Variants in ATP2A2 observed in about 807,000 individuals in gnomAD.
ATP2A2 encodes the protein ATPase sarcoplasmic/endoplasmic reticulum Ca2+ transporting 2.
A neutral mutation model predicts 109.3 loss-of-function variants in ATP2A2; 14 were observed. That is an observed-to-expected ratio of 0.13 (90% confidence interval 0.08 to 0.20). ATP2A2 has a LOEUF of 0.20. Ranked by LOEUF, ATP2A2 falls within the 10% of genes least tolerant of loss-of-function variation. The pLI, the probability that ATP2A2 is intolerant of heterozygous loss-of-function variation, is 1.00. For synonymous variants in ATP2A2, 506 were observed against 490.9 expected, an observed-to-expected ratio of 1.03 and a Z score of -0.41; for missense variants, 657 against 1,321.6, an observed-to-expected ratio of 0.50 and a Z score of 7.80.
At chr12:110,301,782 C>A (rs1047608333) in intron 5 of ATP2A2, among the ~76,000 whole-genome samples, 3 of 152,232 alleles carry the variant, frequency 2.0e-5, no homozygotes, top group Non-Finnish European at 4.4e-5. Context: ...GTGTATGTAC[C>A]TCCTGCTTTC....
chr12:110,346,808 G>A lies in ATP2A2; in HGVS notation c.*338G>A. ...AGCAGACATTGTCAGCAAATTAATTGGCAGCAGATTTTAGGAAATGAATGT... is the reference window on the plus strand; with the variant it reads ...AGCAGACATTGTCAGCAAATTAATTAGCAGCAGATTTTAGGAAATGAATGT... On this transcript the variant is annotated 3_prime_UTR_variant, in exon 20 of 20. Coordinates refer to ENST00000539276, the MANE Select transcript of ATP2A2 (RefSeq NM_170665.4). The A allele has an allele frequency of 8.8e-7, 1 of 1,133,622 alleles. No homozygotes were observed. The highest frequency in any genetic ancestry group is 1.1e-6 in the Non-Finnish European group (1 of 920,366). The allele number at this position is 1,133,622 out of a possible 1,614,324, so 70.2% of individuals were successfully genotyped here.
chr12:110,299,064 G>A (rs191041212), intron 5 of ATP2A2, among the ~76,000 whole-genome samples: 184 of 151,922 alleles, frequency 1.2e-3, no homozygotes, highest in African/African-American at 4.3e-3. Context: ...TGACCTCCTG[G>A]GCTCAAGTGA....
rs1373262177 is a variant in ATP2A2, at chr12:110,340,271, T to C, written c.1762-388T>C. On this transcript the variant is annotated intron_variant, in intron 13 of 19. Transcript: ENST00000539276. This position sits in a 1 kb window ranked among gnomAD's most constrained non-coding sequence, Gnocchi z 6.0. Reference sequence around the variant, plus strand: ...TGCAAAAACCGCCAGGCACGGTGGCTCAAATGCCTGTAATCTCAGCACTTT... The same window carrying C: ...TGCAAAAACCGCCAGGCACGGTGGCCCAAATGCCTGTAATCTCAGCACTTT... Among the ~76,000 whole-genome samples, 1 of 152,044 alleles carries C rather than the reference T, an allele frequency of 6.6e-6. No individual in the cohort carries two copies. The highest frequency in any genetic ancestry group is 1.5e-5 in the Non-Finnish European group (1 of 68,034).
chr12:110,304,640 T>G (rs1875063930), intron 5 of ATP2A2, among the ~76,000 whole-genome samples: 1 of 152,234 alleles, frequency 6.6e-6, no homozygotes, highest in African/African-American at 2.4e-5. Flanking sequence ...GGTATAAGAA[T>G]TCTTTACATA....
At chr12:110,282,345 G>C (rs752409456) in intron 1 of ATP2A2, among the ~76,000 whole-genome samples, 21 of 152,158 alleles carry the variant, frequency 1.4e-4, no homozygotes, top group Non-Finnish European at 2.4e-4. Context: ...CTAGGTTCAG[G>C]AGCCCGAAGT....
rs1880076677 is a variant in ATP2A2, at chr12:110,348,302, G to C, written c.*1832G>C. On this transcript the variant is annotated 3_prime_UTR_variant, in exon 20 of 20. Coordinates refer to ENST00000539276, the MANE Select transcript of ATP2A2 (RefSeq NM_170665.4). ...GCTTGGTCTTGTCCTTGGTGGCTAA[G>C]ACTTAGCTCTGCAGGGGATGTTAAA... The C allele has an allele frequency of 3.0e-6, 3 of 985,354 alleles. No individual in the cohort carries two copies. Among genetic ancestry groups the C allele is most frequent in the Non-Finnish European group, 1.2e-6 (1 of 829,954 alleles). 61.0% of individuals were successfully genotyped at this position (985,354 alleles called of 1,614,324 possible).
intron 5 of ATP2A2, among the ~76,000 whole-genome samples, chr12:110,302,680 A>G (rs963339006): frequency 2.0e-5 from 3 of 151,726 alleles, no homozygotes. Context: ...GTTCACTGCA[A>G]CCTCTGCCTG....
rs1592871559 is a variant in ATP2A2 at position 110,347,504 on chromosome 12, C to T, written c.*1034C>T. On this transcript the variant is annotated 3_prime_UTR_variant, in exon 20 of 20. Coordinates refer to ENST00000539276, the MANE Select transcript of ATP2A2 (RefSeq NM_170665.4). ...TTAATGTACAGGCACTAATTGTCAT[C>T]TGTGATGTACATTTTATGCAAGTTT... 1 of 1,288,808 alleles carries T rather than the reference C, an allele frequency of 7.8e-7. No homozygotes were observed. The highest frequency in any genetic ancestry group is 1.5e-5 in the African/African-American group (1 of 65,788). The allele number at this position is 1,288,808 out of a possible 1,614,324, so 79.8% of individuals were successfully genotyped here. A position where few individuals can be genotyped will look rare whatever the true frequency, so the allele number is the denominator to read the frequency against.
intron 3 of ATP2A2, among the ~76,000 whole-genome samples, chr12:110,288,497 C>G (rs3887669): frequency 6.6e-6 from 1 of 151,846 alleles, no homozygotes; most frequent in East Asian, 1.9e-4. Context: ...CTCTGCCTCC[C>G]GGGGTCAAGC....
intron 7 of ATP2A2, 80 bp downstream of exon 7, chr12:110,326,555 A>G (rs1340705050): frequency 1.6e-6 from 2 of 1,223,874 alleles, no homozygotes; most frequent in South Asian, 1.3e-5. Context: ...ACTGCCAACC[A>G]TCACTGGCTA....
Position 110,348,220 on chromosome 12 carries a change from T to C in ATP2A2, c.*1750T>C, listed in dbSNP as rs1880065540. The C allele has an allele frequency of 1.0e-6, 1 of 985,436 alleles. No individual in the cohort carries two copies. Among genetic ancestry groups the C allele is most frequent in the Non-Finnish European group, 1.2e-6 (1 of 829,958 alleles). 61.0% of individuals were successfully genotyped at this position (985,436 alleles called of 1,614,324 possible). On this transcript the variant is annotated 3_prime_UTR_variant, in exon 20 of 20. Transcript: ENST00000539276. ...AGCAAGTAACTGAACCAGTGAACTC[T>C]GGGTATCGATAGGTTCGTCTTAAAT... is the stretch of plus-strand genomic sequence containing the variant.
rs1879451011 is a variant in ATP2A2, at chr12:110,342,486, T to A, written c.2318+38T>A. 1 of 1,600,692 alleles carries A rather than the reference T, an allele frequency of 6.2e-7. No homozygotes were observed. Among genetic ancestry groups the A allele is most frequent in the African/African-American group, 1.3e-5 (1 of 74,648 alleles). ...GACAGCATCACTTACTGTACGCCTT[T>A]ATCTAAATGGGTCATGGAGCCCAGT... On this transcript the variant is annotated intron_variant, in intron 15 of 19. Coordinates refer to ENST00000539276, the MANE Select transcript of ATP2A2 (RefSeq NM_170665.4). The surrounding 1 kb of genome is among the most constrained non-coding windows in gnomAD (Gnocchi z 4.6).
intron 16 of ATP2A2, among the ~76,000 whole-genome samples, chr12:110,344,126 C>G (rs1879616293): frequency 6.6e-6 from 1 of 152,156 alleles, no homozygotes; most frequent in Non-Finnish European, 1.5e-5. Context: ...CCTTGTCTTG[C>G]CTTCTTCCTG....
chr12:110,309,174 T>C (rs112138853), intron 5 of ATP2A2, among the ~76,000 whole-genome samples: 4 of 130,324 alleles, frequency 3.1e-5, no homozygotes, highest in Non-Finnish European at 4.9e-5. Flanking sequence ...TTTTTTTTTT[T>C]TGAGATGGAA....
At position 110,349,240 on chromosome 12, in the gene ATP2A2, G is replaced by C. The variant is rs1880175189; in HGVS notation, c.*2770G>C. The C allele has an allele frequency of 1.0e-6, 1 of 985,546 alleles. No homozygotes were observed. Among genetic ancestry groups the C allele is most frequent in the African/African-American group, 1.7e-5 (1 of 57,372 alleles). The allele number at this position is 985,546 out of a possible 1,614,324, so 61.1% of individuals were successfully genotyped here. A position where few individuals can be genotyped will look rare whatever the true frequency, so the allele number is the denominator to read the frequency against. Reference sequence around the variant, plus strand: ...CCATAAAGACCAGGTCCAGCACCGTGGTCTTGGCACATCCCTGGCCTCAGG... The same window carrying C: ...CCATAAAGACCAGGTCCAGCACCGTCGTCTTGGCACATCCCTGGCCTCAGG... On this transcript the variant is annotated 3_prime_UTR_variant, in exon 20 of 20. Transcript: ENST00000539276.
intron 5 of ATP2A2, among the ~76,000 whole-genome samples, chr12:110,322,053 C>T (rs976831906): frequency 2.6e-5 from 4 of 151,768 alleles, no homozygotes; most frequent in African/African-American, 7.3e-5. Context: ...TGCAGTGGCG[C>T]GATCTCAGCT....
Position 110,342,269 on chromosome 12 carries a change from C to T in ATP2A2, c.2139C>T (p.Ala713=), listed in dbSNP as rs371236733. The change falls in exon 15 of 20, where the codon GCC becomes GCT. Residue 713 remains alanine (A), a synonymous_variant. Coordinates refer to ENST00000539276, the MANE Select transcript of ATP2A2 (RefSeq NM_170665.4). This position sits in a 1 kb window ranked among gnomAD's most constrained non-coding sequence, Gnocchi z 4.6. ...GVNDAPALKK[A]EIGIAMGSGT... is the part of the protein sequence containing the mutation. ...ACGATGCTCCTGCTCTGAAGAAAGC[C>T]GAGATTGGCATTGCTATGGGCTCTG... 2.1e-5 allele frequency: 34 copies of T among 1,614,070 alleles called. No homozygotes were observed. Among genetic ancestry groups the T allele is most frequent in the African/African-American group, 1.2e-4 (9 of 74,914 alleles).
chr12:110,345,117 T>C, intron 17 of ATP2A2, 132 bp from the exon 18 acceptor site: 4 of 1,514,098 alleles, frequency 2.6e-6, no homozygotes, highest in South Asian at 1.1e-5. Context: ...CCAGGGCTTC[T>C]CCGAGAAATT....
chr12:110,333,256 T>C lies in ATP2A2; in HGVS notation c.1260T>C (p.Cys420=). 1 of 1,613,500 alleles carries C rather than the reference T, an allele frequency of 6.2e-7. No individual in the cohort carries two copies. Among genetic ancestry groups the C allele is most frequent in the African/African-American group, 1.3e-5 (1 of 75,048 alleles). ...AATTAGCAACAATTTGTGCTCTTTG[T>C]AATGACTCTGCTTTGGATTACAATG... ...LVELATICAL[C]NDSALDYNEA... is the part of the protein sequence containing the mutation. Residue 420 remains cysteine, a synonymous_variant, in exon 10 of 20, where the codon TGT becomes TGC. Coordinates refer to ENST00000539276, the MANE Select transcript of ATP2A2 (RefSeq NM_170665.4).
Sources: gnomAD v4.1 joint callset for allele counts (sites outside exome capture counted in the v4.1 genomes callset) on GRCh38, gnomAD v4.1.1 for gene constraint, Gnocchi (gnomAD v3.1) non-coding constraint, MANE v1.5 for transcripts, NCBI Gene and HGNC (gene_info 2026-07-23, HGNC 2026-07-21) for gene names.